Variants in GFRAL observed in about 807,000 individuals in gnomAD.
GFRAL encodes the protein GDNF family receptor alpha like.
In GFRAL, 36 loss-of-function variants were observed where a neutral mutation model predicts 45.4. That is an observed-to-expected ratio of 0.79 (90% CI 0.61 to 1.05). The LOEUF (loss-of-function observed/expected upper bound fraction) is 1.05, where lower values mean the gene tolerates loss of function less well. GFRAL is among the 50% of genes least tolerant of loss of function. The probability of loss-of-function intolerance (pLI) is 0.00; values close to 1 mark genes in which losing one functional copy is unlikely to be tolerated. For missense variants in GFRAL, 507 were observed against 467.5 expected (o/e 1.08, Z -0.78); for synonymous variants, 166 against 154.1 (o/e 1.08, Z -0.57).
chr6:55,388,600 C>T (rs918983447), intron 6 of GFRAL, among the ~76,000 whole-genome samples: 1 of 152,160 alleles, frequency 6.6e-6, no homozygotes, highest in Non-Finnish European at 1.5e-5. Flanking sequence ...TAGCTACTTC[C>T]AACACTTCTA....
At chr6:55,370,019 T>A (rs1018396632) in intron 6 of GFRAL, among the ~76,000 whole-genome samples, 6 of 152,230 alleles carry the variant, frequency 3.9e-5, no homozygotes, top group Non-Finnish European at 7.3e-5. Context: ...ATGTGTTATC[T>A]GAGTGATGTA....
chr6:55,397,524 C>CAAAAAAAAAAAA (rs70986715), intron 6 of GFRAL, among the ~76,000 whole-genome samples: 9 of 67,422 alleles, frequency 1.3e-4, no homozygotes, highest in African/African-American at 2.2e-4. Flanking sequence ...GACTCCGTCT[C>CAAAAAAAAAAAA]AAAAAAAAAA....
intron 8 of GFRAL, among the ~76,000 whole-genome samples, chr6:55,401,021 T>C (rs2127368285): frequency 6.6e-6 from 1 of 152,274 alleles, no homozygotes; most frequent in East Asian, 1.9e-4. Context: ...ATACAAGATA[T>C]AGACTACTCA....
At chr6:55,345,303 G>A (rs974788014) in intron 3 of GFRAL, among the ~76,000 whole-genome samples, 8 of 152,154 alleles carry the variant, frequency 5.3e-5, no homozygotes, top group Admixed American at 3.3e-4. Context: ...ATACTACAAG[G>A]CAGTAGTAAC....
chr6:55,346,246 G>A (rs1768040032), intron 3 of GFRAL, among the ~76,000 whole-genome samples: 1 of 152,124 alleles, frequency 6.6e-6, no homozygotes. Context: ...GCACACGTAT[G>A]TTTACTGCAA....
At chr6:55,387,315 T>A (rs1057382988) in intron 6 of GFRAL, among the ~76,000 whole-genome samples, 1 of 152,246 alleles carries the variant, frequency 6.6e-6, no homozygotes, top group Non-Finnish European at 1.5e-5. Flanking sequence ...CATACAATCC[T>A]CTTGTTGCCT....
At chr6:55,362,988 G>A (rs1261477486) in intron 6 of GFRAL, among the ~76,000 whole-genome samples, 2 of 150,168 alleles carry the variant, frequency 1.3e-5, no homozygotes, top group Non-Finnish European at 1.5e-5. Flanking sequence ...AGGAAGAAGA[G>A]GAAACAGGAA....
intron 2 of GFRAL, among the ~76,000 whole-genome samples, chr6:55,333,551 A>G (rs1767856005): frequency 6.6e-6 from 1 of 152,184 alleles, no homozygotes; most frequent in Non-Finnish European, 1.5e-5. Flanking sequence ...CTAAGTAGGA[A>G]AAAGCTATTT....
chr6:55,343,862 G>T (rs1768003766), intron 3 of GFRAL, among the ~76,000 whole-genome samples: 1 of 151,250 alleles, frequency 6.6e-6, no homozygotes, highest in Admixed American at 6.6e-5. Flanking sequence ...ATTTAATACA[G>T]AAATACATCC....
At chr6:55,380,320 A>G (rs1364725760) in intron 6 of GFRAL, among the ~76,000 whole-genome samples, 3 of 151,976 alleles carry the variant, frequency 2.0e-5, no homozygotes. Context: ...TCTTTCCACT[A>G]TTAATGAAGA....
At chr6:55,361,522 A>T (rs7774605) in intron 6 of GFRAL, among the ~76,000 whole-genome samples, 44,325 of 151,538 alleles carry the variant, frequency 0.29, 7,515 homozygotes, top group Middle Eastern at 0.46. Context: ...CTGTTTTTTT[A>T]AAATTATTTT....
chr6:55,362,274 G>GAAAA, intron 6 of GFRAL, among the ~76,000 whole-genome samples: 1 of 124,052 alleles, frequency 8.1e-6, no homozygotes, highest in South Asian at 2.5e-4. Context: ...AAATGATAAT[G>GAAAA]AAAAAAAAAA....
At chr6:55,398,179 C>T (rs886605522) in intron 6 of GFRAL, among the ~76,000 whole-genome samples, 2 of 152,148 alleles carry the variant, frequency 1.3e-5, no homozygotes, top group Admixed American at 1.3e-4. Flanking sequence ...TCCCTTCCTG[C>T]TCAGAGTCTG....
At chr6:55,363,842 G>C (rs1375939109) in intron 6 of GFRAL, among the ~76,000 whole-genome samples, 1 of 151,176 alleles carries the variant, frequency 6.6e-6, no homozygotes, top group Non-Finnish European at 1.5e-5. Context: ...TATCATTGTT[G>C]GACATTTGGG....
At chr6:55,358,686 G>A (rs1768228912) in intron 5 of GFRAL, among the ~76,000 whole-genome samples, 1 of 151,856 alleles carries the variant, frequency 6.6e-6, no homozygotes, top group South Asian at 2.1e-4. Flanking sequence ...TCACAAAAAA[G>A]GGACAATAAT....
intron 6 of GFRAL, among the ~76,000 whole-genome samples, chr6:55,376,716 T>C (rs1768539670): frequency 6.6e-6 from 1 of 152,032 alleles, no homozygotes; most frequent in Admixed American, 6.6e-5. Context: ...TCTGATTGTG[T>C]CTATTTGATT....
chr6:55,399,034 T>C (rs1768862073), intron 6 of GFRAL, 146 bp from the exon 7 acceptor site: 1 of 496,444 alleles, frequency 2.0e-6, no homozygotes, highest in Admixed American at 3.8e-5. Context: ...TTTAAGAAAA[T>C]TGTTCCTAGT....
At chr6:55,349,642 G>A (rs1455355435) in intron 3 of GFRAL, among the ~76,000 whole-genome samples, 1 of 152,030 alleles carries the variant, frequency 6.6e-6, no homozygotes, top group East Asian at 1.9e-4. Context: ...ACTCTTGGAG[G>A]ATAAGATAAT....
intron 6 of GFRAL, among the ~76,000 whole-genome samples, chr6:55,372,935 G>A (rs573713798): frequency 6.6e-6 from 1 of 152,110 alleles, no homozygotes; most frequent in East Asian, 1.9e-4. Context: ...CGAACTCAAA[G>A]CCCTGAATGT....
Sources: allele counts gnomAD v4.1 joint callset (sites outside exome capture counted in the v4.1 genomes callset), GRCh38; gene constraint gnomAD v4.1.1; transcripts MANE v1.5; gene names NCBI Gene and HGNC (gene_info 2026-07-23, HGNC 2026-07-21).